Variants in SULF1 observed in about 807,000 individuals in gnomAD.
SULF1 encodes sulfatase 1.
In SULF1, 46 loss-of-function variants were observed where a neutral mutation model predicts 110.5. The observed-to-expected ratio is 0.42, with a 90% confidence interval of 0.33 to 0.53. SULF1 has a LOEUF of 0.53. Among genes scored for constraint, SULF1 ranks in the 20% least tolerant of loss-of-function variants. The pLI, the probability that SULF1 is intolerant of heterozygous loss-of-function variation, is 0.12. For missense variants in SULF1, 941 were observed against 1,094.2 expected (o/e 0.86, Z 1.98); for synonymous variants, 371 against 387.1 (o/e 0.96, Z 0.49).
At position 69,624,056 on chromosome 8, in the gene SULF1, C is replaced by A. The variant is rs1809811634; in HGVS notation, c.1709C>A (p.Pro570Gln). 1.2e-6 allele frequency: 2 copies of A among 1,613,994 alleles called. No homozygotes were observed. Among genetic ancestry groups the A allele is most frequent in the Non-Finnish European group, 1.7e-6 (2 of 1,180,040 alleles). ...EEEEELQVLQ[P>Q]RNIAKRHDEG... Reference sequence around the variant, plus strand: ...GAAGAAGAATTGCAAGTGTTGCAACCAAGAAACATTGCTAAGCGTCATGAT... The same window carrying A: ...GAAGAAGAATTGCAAGTGTTGCAACAAAGAAACATTGCTAAGCGTCATGAT... Residue 570 changes from proline (P) to glutamine (Q), a missense_variant, in exon 15 of 23, where the codon CCA becomes CAA. Coordinates refer to ENST00000402687, the MANE Select transcript of SULF1 (RefSeq NM_001128205.2).
At chr8:69,597,208 C>G (rs188952552) in intron 8 of SULF1, 1 of 152,238 alleles carries the variant, frequency 6.6e-6, no homozygotes, top group Non-Finnish European at 1.5e-5. Context: ...GCCGCATCTT[C>G]GAGGAATTTG....
rs536073966 is a variant in SULF1 at position 69,649,972 on chromosome 8, C to CTTTTTTTTTTTTTTT, written c.2586-8510_2586-8496dup. On this transcript the variant is annotated intron_variant, in intron 22 of 22. Transcript: ENST00000402687. ...CCCACTCTGTAATTCCTCCTGCTTG[C>CTTTTTTTTTTTTTTT]TTTTTTTTTTTTTTTTTTTTTTTTT... Among the ~76,000 whole-genome samples, 4 of 30,588 alleles carry CTTTTTTTTTTTTTTT rather than the reference C, an allele frequency of 1.3e-4. 2 individuals are homozygous for CTTTTTTTTTTTTTTT. The highest frequency in any genetic ancestry group is 2.2e-4 in the African/African-American group (2 of 9,140). 20.1% of individuals were successfully genotyped at this position (30,588 alleles called of 152,430 possible). A position where few individuals can be genotyped will look rare whatever the true frequency, so the allele number is the denominator to read the frequency against.
At chr8:69,482,574 CTG>C (rs1454859320) in intron 1 of SULF1, among the ~76,000 whole-genome samples, 2 of 151,618 alleles carry the variant, frequency 1.3e-5, no homozygotes, top group East Asian at 1.9e-4. Flanking sequence ...TATAAAATCT[CTG>C]TTTGTATATA....
intron 5 of SULF1, among the ~76,000 whole-genome samples, chr8:69,570,267 G>A (rs1054372703): frequency 1.3e-5 from 2 of 152,152 alleles, no homozygotes; most frequent in Non-Finnish European, 2.9e-5. Context: ...AATCCCACAT[G>A]TCTGGGATTT....
At chr8:69,615,314 C>T (rs1156770151) in intron 13 of SULF1, among the ~76,000 whole-genome samples, 2 of 152,198 alleles carry the variant, frequency 1.3e-5, no homozygotes, top group Non-Finnish European at 2.9e-5. Flanking sequence ...AAGATCACCA[C>T]TTTAGTTGTA....
chr8:69,643,414 T>TAA lies in SULF1; in HGVS notation c.2585+2586_2585+2587dup, dbSNP rs77783841. Among the ~76,000 whole-genome samples the TAA allele has an allele frequency of 7.9e-3, 1,034 of 131,070 alleles. 15 individuals are homozygous for TAA. Among genetic ancestry groups the TAA allele is most frequent in the African/African-American group, 0.027 (986 of 37,182 alleles). 86.0% of individuals were successfully genotyped at this position (131,070 alleles called of 152,430 possible). On this transcript the variant is annotated intron_variant, in intron 22 of 22. Transcript: ENST00000402687. ...TTAGATTTTGACAGTTTTAGAAAAC[T>TAA]AAAAAAAAAAAAAACAAGTTTTTAT...
intron 13 of SULF1, among the ~76,000 whole-genome samples, chr8:69,614,912 C>A (rs1808964890): frequency 6.6e-6 from 1 of 152,222 alleles, no homozygotes; most frequent in African/African-American, 2.4e-5. Context: ...ACTGATAAAT[C>A]AGACAGAAGG....
intron 1 of SULF1, among the ~76,000 whole-genome samples, chr8:69,483,392 G>A (rs1025617012): frequency 6.6e-6 from 1 of 151,998 alleles, no homozygotes; most frequent in African/African-American, 2.4e-5. Flanking sequence ...AGGCATTGTG[G>A]GACCCATTTT....
At chr8:69,636,846 C>G (rs75273922) in intron 19 of SULF1, among the ~76,000 whole-genome samples, 151 of 152,134 alleles carry the variant, frequency 9.9e-4, no homozygotes, top group Non-Finnish European at 1.9e-3. Flanking sequence ...ATTGATTTGC[C>G]GAACATACTT....
chr8:69,640,396 C>T (rs1391239761), intron 21 of SULF1, among the ~76,000 whole-genome samples: 1 of 152,200 alleles, frequency 6.6e-6, no homozygotes, highest in Non-Finnish European at 1.5e-5. Flanking sequence ...TGCTGTTTCA[C>T]TTCAAGCCGT....
At chr8:69,634,181 C>T (rs1037163416) in intron 19 of SULF1, among the ~76,000 whole-genome samples, 1 of 151,904 alleles carries the variant, frequency 6.6e-6, no homozygotes, top group African/African-American at 2.4e-5. Context: ...GGATTTTTTC[C>T]CCACAGCTAC....
intron 3 of SULF1, among the ~76,000 whole-genome samples, chr8:69,542,250 G>A (rs1395526474): frequency 1.3e-5 from 2 of 152,110 alleles, no homozygotes; most frequent in Non-Finnish European, 2.9e-5. Flanking sequence ...GCTTCACAGT[G>A]TTTAAATATG....
chr8:69,585,192 C>T (rs1806362401), intron 6 of SULF1, among the ~76,000 whole-genome samples: 2 of 152,136 alleles, frequency 1.3e-5, no homozygotes, highest in South Asian at 2.1e-4. Context: ...TACACGCACA[C>T]ATGCTTATAC....
chr8:69,651,890 C>T (rs569340644), intron 22 of SULF1, among the ~76,000 whole-genome samples: 2 of 151,998 alleles, frequency 1.3e-5, no homozygotes, highest in African/African-American at 4.8e-5. Context: ...TACCACTGTG[C>T]CTTTAAAACA....
At chr8:69,502,151 C>A (rs1810842683) in intron 3 of SULF1, among the ~76,000 whole-genome samples, 183 bp downstream of exon 3, 1 of 152,128 alleles carries the variant, frequency 6.6e-6, no homozygotes, top group Non-Finnish European at 1.5e-5. Flanking sequence ...TAAAAGGGGC[C>A]TTCCACGTGG....
At chr8:69,493,960 T>C (rs1042053142) in intron 1 of SULF1, among the ~76,000 whole-genome samples, 3 of 151,844 alleles carry the variant, frequency 2.0e-5, no homozygotes, top group Non-Finnish European at 4.4e-5. Flanking sequence ...AACTTCTGAA[T>C]ACTTAGCAAC....
chr8:69,616,066 ATATG>A (rs1809077684), intron 13 of SULF1, among the ~76,000 whole-genome samples: 1 of 150,408 alleles, frequency 6.6e-6, no homozygotes. Context: ...ACACACATAT[ATATG>A]TGTGTATATA....
At chr8:69,546,845 A>C (rs745383063) in intron 3 of SULF1, among the ~76,000 whole-genome samples, 5 of 152,238 alleles carry the variant, frequency 3.3e-5, no homozygotes, top group Non-Finnish European at 7.3e-5. Flanking sequence ...TTACTCGGGA[A>C]GTCATTACCT....
intron 5 of SULF1, among the ~76,000 whole-genome samples, chr8:69,569,499 A>G (rs766257848): frequency 6.6e-6 from 1 of 152,208 alleles, no homozygotes; most frequent in Non-Finnish European, 1.5e-5. Flanking sequence ...ATCCCCCACT[A>G]CTGTGTTGTC....
Sources: gnomAD v4.1 joint callset for allele counts (sites outside exome capture counted in the v4.1 genomes callset) on GRCh38, gnomAD v4.1.1 for gene constraint, MANE v1.5 for transcripts, NCBI Gene and HGNC (gene_info 2026-07-23, HGNC 2026-07-21) for gene names.